Variants in DBN1 observed in about 807,000 individuals in gnomAD.
DBN1 encodes the protein drebrin.
Under a neutral mutation model 83.5 loss-of-function variants are expected in DBN1, and 21 were observed. The ratio of observed to expected loss-of-function variants is 0.25; its 90% CI spans 0.18 to 0.36. DBN1 has a LOEUF of 0.36. DBN1 is among the 10% of genes least tolerant of loss of function. The probability of loss-of-function intolerance (pLI) is 1.00; values close to 1 mark genes in which losing one functional copy is unlikely to be tolerated. For synonymous variants in DBN1, 381 were observed against 384.9 expected, an observed-to-expected ratio of 0.99 and a Z score of 0.12; for missense variants, 874 against 935.7, an observed-to-expected ratio of 0.93 and a Z score of 0.86.
chr5:177,464,882 C>T (rs1034807646), intron 8 of DBN1, among the ~76,000 whole-genome samples: 2 of 147,830 alleles, frequency 1.4e-5, no homozygotes, highest in Admixed American at 6.7e-5. Flanking sequence ...AGGCCGGGTG[C>T]AGTGGCTCAC....
chr5:177,470,707 C>T (rs1024565824), intron 1 of DBN1, among the ~76,000 whole-genome samples: 1 of 152,200 alleles, frequency 6.6e-6, no homozygotes, highest in South Asian at 2.1e-4. Flanking sequence ...GGAATGCTTC[C>T]GTTCTTCAGA....
At chr5:177,468,537 C>T (rs752162842) in intron 2 of DBN1, 7 of 463,290 alleles carry the variant, frequency 1.5e-5, no homozygotes, top group Non-Finnish European at 2.3e-5. Context: ...CACAATCAAG[C>T]CTTCTGGCTC....
In DBN1 at chr5:177,462,357, G is replaced by C. The variant is rs1477512253; in HGVS notation, c.772-1654C>G. On this transcript the variant is annotated intron_variant, in intron 8 of 14. Coordinates refer to ENST00000393565, the MANE Select transcript of DBN1 (RefSeq NM_001363541.2). Reference sequence around the variant, plus strand: ...CTCCCAAATGCCTGCTCCCCACCCGGGGGCCAGGCCCTCTGGTTTCCAGCT... The same window carrying C: ...CTCCCAAATGCCTGCTCCCCACCCGCGGGCCAGGCCCTCTGGTTTCCAGCT... The C allele has an allele frequency of 7.1e-6, 7 of 985,436 alleles. 1 individual carries two copies. The highest frequency in any genetic ancestry group is 6.1e-5 in the Admixed American group (1 of 16,266). 61.0% of individuals were successfully genotyped at this position (985,436 alleles called of 1,614,324 possible). A position where few individuals can be genotyped will look rare whatever the true frequency, so the allele number is the denominator to read the frequency against.
chr5:177,471,409 T>G (rs1757833298), intron 1 of DBN1, among the ~76,000 whole-genome samples: 1 of 152,080 alleles, frequency 6.6e-6, no homozygotes, highest in South Asian at 2.1e-4. Flanking sequence ...GCCAGAGTAG[T>G]GGTGCACTTC....
intron 8 of DBN1, among the ~76,000 whole-genome samples, chr5:177,463,880 C>T (rs553946295): frequency 6.9e-4 from 105 of 152,220 alleles, no homozygotes; most frequent in Admixed American, 1.6e-3. Flanking sequence ...TTTGGGAGGC[C>T]GAGGTGGGAG....
At chr5:177,462,372 G>T in intron 8 of DBN1, 1 of 985,544 alleles carries the variant, frequency 1.0e-6, no homozygotes, top group Non-Finnish European at 1.2e-6. Flanking sequence ...CAGGCCCTCT[G>T]GTTTCCAGCT....
Position 177,466,496 on chromosome 5 carries a change from G to C in DBN1, c.771+276C>G, listed in dbSNP as rs987937948. On this transcript the variant is annotated intron_variant, in intron 8 of 14. Coordinates refer to ENST00000393565, the MANE Select transcript of DBN1 (RefSeq NM_001363541.2). The surrounding 1 kb of genome is among the most constrained non-coding windows in gnomAD (Gnocchi z 4.8). ...CGCCGAGAAACCCCAGGGCAGGGGA[G>C]GGGGAGCCTGGTCAGTGAGGGTCTG... Among the ~76,000 whole-genome samples, 10 of 152,210 alleles carry C rather than the reference G, an allele frequency of 6.6e-5. No homozygotes were observed. The highest frequency in any genetic ancestry group is 1.2e-4 in the Non-Finnish European group (8 of 68,032).
chr5:177,458,782 GGAGT>G (rs1581715531), intron 12 of DBN1, 75 bp from the exon 13 acceptor site: 1 of 1,336,636 alleles, frequency 7.5e-7, no homozygotes, highest in African/African-American at 1.5e-5. Context: ...CACCCACTAA[GGAGT>G]GAGGGAGCCA....
At chr5:177,472,215 T>A (rs746809718) in intron 1 of DBN1, 1 of 1,613,658 alleles carries the variant, frequency 6.2e-7, no homozygotes, top group Non-Finnish European at 8.5e-7. Flanking sequence ...AGCCATCTCA[T>A]CCTCTCCTCC....
intron 12 of DBN1, 38 bp downstream of exon 12, chr5:177,459,060 T>C: frequency 1.3e-6 from 2 of 1,565,500 alleles, no homozygotes; most frequent in Non-Finnish European, 1.7e-6. Flanking sequence ...CAGGGACTGA[T>C]GATGGGAGGC....
In DBN1 at chr5:177,467,379, AC is replaced by A; in HGVS notation, c.478-48del. The A allele has an allele frequency of 6.2e-7, 1 of 1,613,348 alleles. No individual in the cohort carries two copies. Among genetic ancestry groups the A allele is most frequent in the Non-Finnish European group, 8.5e-7 (1 of 1,179,570 alleles). ...CATAAGCAGGCTGAATGCCCCAGGA[AC>A]CCCCGACACCTAAAGGGTGAGAGCT... is the stretch of plus-strand genomic sequence containing the variant. On this transcript the variant is annotated intron_variant, in intron 5 of 14. Transcript: ENST00000393565. This position sits in a 1 kb window ranked among gnomAD's most constrained non-coding sequence, Gnocchi z 9.1.
intron 8 of DBN1, among the ~76,000 whole-genome samples, chr5:177,462,965 C>G (rs140686286): frequency 6.6e-6 from 1 of 152,200 alleles, no homozygotes; most frequent in African/African-American, 2.4e-5. Context: ...CTTTGCTGCT[C>G]TGCCCACTGC....
chr5:177,459,833 T>A, intron 10 of DBN1, 93 bp from the exon 11 acceptor site: 1 of 1,312,498 alleles, frequency 7.6e-7, no homozygotes, highest in Non-Finnish European at 1.0e-6. Flanking sequence ...CCCCAGGGCC[T>A]GGCCCTGGAT....
chr5:177,463,171 G>C (rs1289622045), intron 8 of DBN1, among the ~76,000 whole-genome samples: 5 of 152,160 alleles, frequency 3.3e-5, no homozygotes, highest in Non-Finnish European at 7.3e-5. Flanking sequence ...CGAGTAGCTG[G>C]GACTACAGGC....
intron 8 of DBN1, among the ~76,000 whole-genome samples, chr5:177,465,627 G>C (rs567855995): frequency 3.3e-5 from 5 of 152,044 alleles, no homozygotes; most frequent in African/African-American, 7.3e-5. Context: ...AGGCCGAGGC[G>C]GGCAGATCAA....
In DBN1 at chr5:177,457,672, A is replaced by C. The variant is rs755210088; in HGVS notation, c.2000T>G (p.Phe667Cys). The C allele has an allele frequency of 6.2e-7, 1 of 1,604,178 alleles. No individual in the cohort carries two copies. Among genetic ancestry groups the C allele is most frequent in the Non-Finnish European group, 8.5e-7 (1 of 1,171,870 alleles). ...ELCAKAPPPV[F>C]YNKPPEIDIT... ...AGTACTACCTGGAGGCTTGTTGTAG[A>C]ACACAGGAGGCGGAGCCTTGGCACA... is the stretch of plus-strand genomic sequence containing the variant. Residue 667 changes from phenylalanine (F) to cysteine (C), a missense_variant, in exon 14 of 15, where the codon TTC becomes TGC. Phe to Cys is a radical substitution (Grantham distance 205). Transcript: ENST00000393565.
chr5:177,466,662 G>C lies in DBN1; in HGVS notation c.771+110C>G. The stretch of plus-strand genomic sequence containing the variant: ...CACCCTGTGCCCATGCAGCTCCCCA[G>C]AACAGCCACCACTGTCCCTGAGCCA... On this transcript the variant is annotated intron_variant, in intron 8 of 14. Coordinates refer to ENST00000393565, the MANE Select transcript of DBN1 (RefSeq NM_001363541.2). The surrounding 1 kb of genome is among the most constrained non-coding windows in gnomAD (Gnocchi z 4.8). The C allele has an allele frequency of 1.5e-6, 2 of 1,291,278 alleles. No individual in the cohort carries two copies. Among genetic ancestry groups the C allele is most frequent in the South Asian group, 2.4e-5 (2 of 84,130 alleles). 80.0% of individuals were successfully genotyped at this position (1,291,278 alleles called of 1,614,324 possible).
intron 8 of DBN1, among the ~76,000 whole-genome samples, chr5:177,464,064 G>C (rs1757233053): frequency 6.6e-6 from 1 of 151,840 alleles, no homozygotes; most frequent in African/African-American, 2.4e-5. Flanking sequence ...GCAGTGAGCT[G>C]AGATGGCGCC....
chr5:177,459,669 G>GGGA lies in DBN1; in HGVS notation c.1024_1026dup (p.Ser342dup). The stretch of plus-strand genomic sequence containing the variant: ...ATATAGGGAAAGGGAGTCCGTGGAG[G>GGGA]GGAGGAGGAGGAAGAGGAGGAGGAG... On this transcript the variant is annotated inframe_insertion, in exon 11 of 15. Coordinates refer to ENST00000393565, the MANE Select transcript of DBN1 (RefSeq NM_001363541.2). 6.3e-7 allele frequency: 1 copy of GGGA among 1,592,894 alleles called. No homozygotes were observed.
Sources: gnomAD v4.1 joint callset for allele counts (sites outside exome capture counted in the v4.1 genomes callset) on GRCh38, gnomAD v4.1.1 for gene constraint, Gnocchi (gnomAD v3.1) non-coding constraint, MANE v1.5 for transcripts, NCBI Gene and HGNC (gene_info 2026-07-23, HGNC 2026-07-21) for gene names.